FEM1B: variants seen among roughly 807,000 people sequenced by gnomAD.
The protein encoded by FEM1B is fem-1 homolog B, also known as protein fem-1 homolog B.
In FEM1B, 10 loss-of-function variants were observed where a neutral mutation model predicts 38.6. The observed-to-expected ratio is 0.26, with a 90% CI of 0.16 to 0.44. The LOEUF (loss-of-function observed/expected upper bound fraction) is 0.44. FEM1B is among the 20% of genes least tolerant of loss of function. The pLI is 1.00. For missense variants in FEM1B, 471 were observed against 786.7 expected (o/e 0.60, Z 4.80); for synonymous variants, 288 against 288.0 (o/e 1.00, Z 0.00).
In FEM1B at chr15:68,289,032, GT is replaced by G. The variant is rs1198133652; in HGVS notation, c.249-572del. 2.0e-5 allele frequency among the ~76,000 whole-genome samples: 3 copies of G among 152,216 alleles called. No homozygotes were observed. The East Asian group carries it at 5.8e-4, about 29-fold the overall frequency. On this transcript the variant is annotated intron_variant, in intron 1 of 1. Transcript: ENST00000306917. The surrounding 1 kb of genome is among the most constrained non-coding windows in gnomAD (Gnocchi z 6.9). ...ATCTGACTTCTTTTCTCAGCATCAG[GT>G]TTATGTTATCTGTTCATATTGTGTG...
Position 68,290,704 on chromosome 15 carries a change from A to G in FEM1B, c.1346A>G (p.Tyr449Cys). The change falls in exon 2 of 2, where the codon TAT (tyrosine) becomes TGT (cysteine). Residue 449 changes from tyrosine (Y) to cysteine (C), a missense_variant. This residue lies in a region of FEM1B where 380 missense variants were observed against 599.6 expected (regional missense o/e 0.63). Transcript: ENST00000306917. This position sits in a 1 kb window ranked among gnomAD's most constrained non-coding sequence, Gnocchi z 9.7. Reference protein sequence around the residue: ...NYECNLYTFLYLVCISTKTQC... With the variant: ...NYECNLYTFLCLVCISTKTQC... The stretch of plus-strand genomic sequence containing the variant: ...GAATGTAATCTCTATACCTTTCTGT[A>G]TTTAGTGTGCATCTCTACCAAAACA... The G allele has an allele frequency of 6.2e-7, 1 of 1,614,116 alleles. No individual in the cohort carries two copies. The highest frequency in any genetic ancestry group is 8.5e-7 in the Non-Finnish European group (1 of 1,179,984).
chr15:68,283,916 A>T (rs1183043921), intron 1 of FEM1B, among the ~76,000 whole-genome samples: 1 of 140,828 alleles, frequency 7.1e-6, no homozygotes, highest in Non-Finnish European at 1.5e-5. Context: ...ATGGAGTCTC[A>T]CTCTTGTTGC....
In FEM1B at chr15:68,284,776, G is replaced by A. The variant is rs1892767221; in HGVS notation, c.249-4831G>A. 6.6e-6 allele frequency among the ~76,000 whole-genome samples: 1 copy of A among 152,156 alleles called. No individual in the cohort carries two copies. ...CTTGAATTCCCACGTGTTGTGGGAGGGACCTGGTGGGAGGCAACTGAATCA... is the reference window on the plus strand; with the variant it reads ...CTTGAATTCCCACGTGTTGTGGGAGAGACCTGGTGGGAGGCAACTGAATCA... On this transcript the variant is annotated intron_variant, in intron 1 of 1. Coordinates refer to ENST00000306917, the MANE Select transcript of FEM1B (RefSeq NM_015322.5). The surrounding 1 kb of genome is among the most constrained non-coding windows in gnomAD (Gnocchi z 4.4).
In FEM1B at chr15:68,292,238, T is replaced by G. The variant is rs568011586; in HGVS notation, c.*996T>G. The G allele has an allele frequency of 6.6e-6, 1 of 152,296 alleles. No homozygotes were observed. The highest frequency in any genetic ancestry group is 2.1e-4 in the South Asian group (1 of 4,834). The allele number at this position is 152,296 out of a possible 1,614,324, so 9.4% of individuals were successfully genotyped here. A position where few individuals can be genotyped will look rare whatever the true frequency, so the allele number is the denominator to read the frequency against. ...GATATGTTTGAATTTTTTCACTTTC[T>G]TAGTCTGTGACAAGAAGTAGAAATA... On this transcript the variant is annotated 3_prime_UTR_variant, in exon 2 of 2. Coordinates refer to ENST00000306917, the MANE Select transcript of FEM1B (RefSeq NM_015322.5).
rs368926800 is a variant in FEM1B at position 68,290,488 on chromosome 15, G to C, written c.1130G>C (p.Gly377Ala). Residue 377 changes from glycine (G) to alanine (A), a missense_variant, in exon 2 of 2, where the codon GGT (glycine) becomes GCT (alanine). Coordinates refer to ENST00000306917, the MANE Select transcript of FEM1B (RefSeq NM_015322.5). The surrounding 1 kb of genome is among the most constrained non-coding windows in gnomAD (Gnocchi z 9.7). ...WLHALHLRQK[G>A]NRNTHKDLLR... ...CATGCCCTGCACCTCAGACAAAAAGGTAACAGGAACACCCACAAGGATCTT... is the reference window on the plus strand; with the variant it reads ...CATGCCCTGCACCTCAGACAAAAAGCTAACAGGAACACCCACAAGGATCTT... 1.2e-6 allele frequency: 2 copies of C among 1,614,154 alleles called. No homozygotes were observed. Among genetic ancestry groups the C allele is most frequent in the Non-Finnish European group, 1.7e-6 (2 of 1,180,014 alleles).
chr15:68,283,632 C>T (rs1892752350), intron 1 of FEM1B, among the ~76,000 whole-genome samples: 1 of 151,576 alleles, frequency 6.6e-6, no homozygotes, highest in Non-Finnish European at 1.5e-5. Flanking sequence ...AGTGATTGTG[C>T]CACTGTACTT....
At position 68,286,360 on chromosome 15, in the gene FEM1B, C is replaced by T. The variant is rs147171339; in HGVS notation, c.249-3247C>T. Among the ~76,000 whole-genome samples the T allele has an allele frequency of 4.9e-3, 739 of 151,866 alleles. 9 individuals carry two copies. Among genetic ancestry groups the T allele is most frequent in the South Asian group, 0.034 (165 of 4,816 alleles). On this transcript the variant is annotated intron_variant, in intron 1 of 1. Coordinates refer to ENST00000306917, the MANE Select transcript of FEM1B (RefSeq NM_015322.5). Reference sequence around the variant, plus strand: ...ATTTCCATATTCTTTTTTGAATTGGCCTGTCAGTTCTTTCTTTCTCTCCTT... The same window carrying T: ...ATTTCCATATTCTTTTTTGAATTGGTCTGTCAGTTCTTTCTTTCTCTCCTT...
At position 68,289,350 on chromosome 15, in the gene FEM1B, G is replaced by T. The variant is rs577180581; in HGVS notation, c.249-257G>T. On this transcript the variant is annotated intron_variant, in intron 1 of 1. Coordinates refer to ENST00000306917, the MANE Select transcript of FEM1B (RefSeq NM_015322.5). The surrounding 1 kb of genome is among the most constrained non-coding windows in gnomAD (Gnocchi z 6.9). Reference sequence around the variant, plus strand: ...CTTTACTTTTGCTAGTAGAAAGTTCGTGATTTTTCAGGTTTGTTTTTTAGG... The same window carrying T: ...CTTTACTTTTGCTAGTAGAAAGTTCTTGATTTTTCAGGTTTGTTTTTTAGG... 18 of 386,006 alleles carry T rather than the reference G, an allele frequency of 4.7e-5. No individual in the cohort carries two copies. Among genetic ancestry groups the T allele is most frequent in the Non-Finnish European group, 7.9e-5 (17 of 213,868 alleles). 23.9% of individuals were successfully genotyped at this position (386,006 alleles called of 1,614,324 possible).
Position 68,280,012 on chromosome 15 carries a change from C to T in FEM1B, c.248+1347C>T, listed in dbSNP as rs1595839226. ...ACAGTGACCTCTGAACCTCCAGTAC[C>T]GTTCCACCTGTATAGGCATATGAAG... On this transcript the variant is annotated intron_variant, in intron 1 of 1. Transcript: ENST00000306917. This position sits in a 1 kb window ranked among gnomAD's most constrained non-coding sequence, Gnocchi z 4.2. 1 of 152,148 alleles carries T rather than the reference C, an allele frequency of 6.6e-6. No homozygotes were observed. Among genetic ancestry groups the T allele is most frequent in the Non-Finnish European group, 1.5e-5 (1 of 68,046 alleles). The allele number at this position is 152,148 out of a possible 1,614,324, so 9.4% of individuals were successfully genotyped here.
At position 68,294,465 on chromosome 15, in the gene FEM1B, CTGTT is replaced by C. The variant is rs1057421040; in HGVS notation, c.*3226_*3229del. 5.3e-5 allele frequency: 8 copies of C among 152,146 alleles called. No homozygotes were observed. The highest frequency in any genetic ancestry group is 1.2e-4 in the African/African-American group (5 of 41,432). 9.4% of individuals were successfully genotyped at this position (152,146 alleles called of 1,614,324 possible). On this transcript the variant is annotated 3_prime_UTR_variant, in exon 2 of 2. Coordinates refer to ENST00000306917, the MANE Select transcript of FEM1B (RefSeq NM_015322.5). This position sits in a 1 kb window ranked among gnomAD's most constrained non-coding sequence, Gnocchi z 4.4. ...GGCAGCAGCTTTCTAAATACCAACT[CTGTT>C]TGACAAATGTTTTGAAAATTAAAAT...
intron 1 of FEM1B, among the ~76,000 whole-genome samples, chr15:68,286,695 T>G (rs781407442): frequency 6.6e-6 from 1 of 152,174 alleles, no homozygotes; most frequent in Non-Finnish European, 1.5e-5. Flanking sequence ...TTTCATTAGA[T>G]TTATTACTAT....
chr15:68,286,748 CAATA>C (rs779375978), intron 1 of FEM1B, among the ~76,000 whole-genome samples: 25 of 151,940 alleles, frequency 1.6e-4, no homozygotes, highest in East Asian at 1.4e-3. Flanking sequence ...TATTTTTTGA[CAATA>C]AATAAATGTT....
chr15:68,279,011 G>A (rs1892698856), intron 1 of FEM1B, among the ~76,000 whole-genome samples: 1 of 152,168 alleles, frequency 6.6e-6, no homozygotes, highest in Admixed American at 6.6e-5. Context: ...AGTGGAACTG[G>A]TGATGTAACT....
At chr15:68,285,304 A>C (rs1364656041) in intron 1 of FEM1B, among the ~76,000 whole-genome samples, 1 of 151,352 alleles carries the variant, frequency 6.6e-6, no homozygotes, top group African/African-American at 2.5e-5. Flanking sequence ...TTTGACTGTT[A>C]TGAATAAAAC....
At position 68,290,498 on chromosome 15, in the gene FEM1B, C is replaced by T. The variant is rs1331853340; in HGVS notation, c.1140C>T (p.Asn380=). Reference sequence around the variant, plus strand: ...ACCTCAGACAAAAAGGTAACAGGAACACCCACAAGGATCTTCTTCGATTTG... The same window carrying T: ...ACCTCAGACAAAAAGGTAACAGGAATACCCACAAGGATCTTCTTCGATTTG... ...ALHLRQKGNR[N]THKDLLRFAQ... is the part of the protein sequence containing the mutation. Residue 380 remains asparagine, a synonymous_variant, in exon 2 of 2, where the codon AAC becomes AAT. Coordinates refer to ENST00000306917, the MANE Select transcript of FEM1B (RefSeq NM_015322.5). The surrounding 1 kb of genome is among the most constrained non-coding windows in gnomAD (Gnocchi z 9.7). The T allele has an allele frequency of 1.9e-6, 3 of 1,614,162 alleles. No individual in the cohort carries two copies. Among genetic ancestry groups the T allele is most frequent in the Non-Finnish European group, 8.5e-7 (1 of 1,180,012 alleles).
chr15:68,284,218 A>G lies in FEM1B; in HGVS notation c.249-5389A>G, dbSNP rs1431785995. Among the ~76,000 whole-genome samples, 10 of 152,068 alleles carry G rather than the reference A, an allele frequency of 6.6e-5. No individual in the cohort carries two copies. Among genetic ancestry groups the G allele is most frequent in the South Asian group, 2.1e-4 (1 of 4,836 alleles). On this transcript the variant is annotated intron_variant, in intron 1 of 1. Coordinates refer to ENST00000306917, the MANE Select transcript of FEM1B (RefSeq NM_015322.5). The surrounding 1 kb of genome is among the most constrained non-coding windows in gnomAD (Gnocchi z 4.4). The stretch of plus-strand genomic sequence containing the variant: ...AACTTTTTAGTTATTTATCTGCATA[A>G]TAGTTAATATTATAACTATAATATA...
rs763808050 is a variant in FEM1B, at chr15:68,278,381, G to T, written c.-37G>T. On this transcript the variant is annotated 5_prime_UTR_variant, in exon 1 of 2. Transcript: ENST00000306917. The surrounding 1 kb of genome is among the most constrained non-coding windows in gnomAD (Gnocchi z 5.7). ...TCCGGGGGCGCACGGCAGCTGCAGC[G>T]GTGGCGACCAAACGGGTGTTGGAGT... 1.3e-6 allele frequency: 2 copies of T among 1,591,226 alleles called. No individual in the cohort carries two copies. Among genetic ancestry groups the T allele is most frequent in the South Asian group, 2.2e-5 (2 of 89,006 alleles).
chr15:68,278,541 C>T lies in FEM1B; in HGVS notation c.124C>T (p.Gln42Ter). 1 of 1,614,100 alleles carries T rather than the reference C, an allele frequency of 6.2e-7. No homozygotes were observed. The highest frequency in any genetic ancestry group is 8.5e-7 in the Non-Finnish European group (1 of 1,180,028). The part of the protein sequence containing the change: ...IRYLLGYVSQ[Q>*]GGQRSTPLII... ...CTATCTGCTTGGCTATGTCAGCCAG[C>T]AGGGAGGGCAGCGCTCCACGCCCCT... The change falls in exon 1 of 2, where the codon CAG becomes TAG. Residue 42 changes from glutamine (Q) to a stop codon, truncating the protein, a stop_gained. Transcript: ENST00000306917. LOFTEE classifies it high-confidence loss of function. This position sits in a 1 kb window ranked among gnomAD's most constrained non-coding sequence, Gnocchi z 5.7.
At chr15:68,279,211 C>T (rs1892700857) in intron 1 of FEM1B, among the ~76,000 whole-genome samples, 1 of 152,194 alleles carries the variant, frequency 6.6e-6, no homozygotes, top group East Asian at 1.9e-4. Flanking sequence ...CGCAGCCAGA[C>T]ATCTCAAGAC....
Sources: gnomAD v4.1 joint callset for allele counts (sites outside exome capture counted in the v4.1 genomes callset) on GRCh38, gnomAD v4.1.1 for gene constraint, gnomAD v4.1.1 regional missense constraint, Gnocchi (gnomAD v3.1) non-coding constraint, MANE v1.5 for transcripts, NCBI Gene and HGNC (gene_info 2026-07-23, HGNC 2026-07-21) for gene names.